Variants in ZNF609 observed in about 807,000 individuals in gnomAD.
ZNF609 encodes the protein zinc finger protein 609.
A neutral mutation model predicts 109.5 loss-of-function variants in ZNF609; 11 were observed. That is an observed-to-expected ratio of 0.10 (90% CI 0.06 to 0.17). ZNF609 has a LOEUF of 0.17. Among genes scored for constraint, ZNF609 ranks in the 10% least tolerant of loss-of-function variants. The probability of loss-of-function intolerance (pLI) is 1.00; values close to 1 mark genes in which losing one functional copy is unlikely to be tolerated. For synonymous variants in ZNF609, 646 were observed against 662.0 expected (o/e 0.98, Z 0.37); for missense variants, 1,559 against 1,772.4 (o/e 0.88, Z 2.16).
intron 2 of ZNF609, among the ~76,000 whole-genome samples, chr15:64,557,190 CT>C (rs11307309): frequency 0.69 from 98,326 of 141,586 alleles, 37,796 homozygotes; most frequent in East Asian, 0.93. Flanking sequence ...TCTTATTCTT[CT>C]TTTTTTTTTT....
chr15:64,468,007 T>C (rs1383978345), intron 1 of ZNF609, among the ~76,000 whole-genome samples: 3 of 151,664 alleles, frequency 2.0e-5, no homozygotes, highest in Non-Finnish European at 4.4e-5. Flanking sequence ...TTTACTAGTA[T>C]GCTTTTTTTT....
At chr15:64,645,001 C>CTT (rs1164903967) in intron 3 of ZNF609, among the ~76,000 whole-genome samples, 1 of 148,110 alleles carries the variant, frequency 6.8e-6, no homozygotes, top group African/African-American at 2.5e-5. Context: ...TTCTTTCTTT[C>CTT]TTTCTTTCTT....
In ZNF609 at chr15:64,674,597, C is replaced by A; in HGVS notation, c.1743C>A (p.Ser581Arg). 1 of 1,614,062 alleles carries A rather than the reference C, an allele frequency of 6.2e-7. No individual in the cohort carries two copies. The highest frequency in any genetic ancestry group is 8.5e-7 in the Non-Finnish European group (1 of 1,180,026). ...LVEPHSPSPS[S>R]KFSTKGLCKK... Reference sequence around the variant, plus strand: ...AGCCCCATAGCCCTTCTCCTTCAAGCAAATTCAGCACAAAAGGCCTCTGTA... The same window carrying A: ...AGCCCCATAGCCCTTCTCCTTCAAGAAAATTCAGCACAAAAGGCCTCTGTA... Residue 581 changes from serine to arginine, a missense_variant, in exon 5 of 10, where the codon AGC becomes AGA. Physicochemically the swap from Ser to Arg is moderately radical, Grantham distance 110 (BLOSUM62 -1). This residue lies in a region of ZNF609 where 1,204 missense variants were observed against 1,314.1 expected (regional missense o/e 0.92). Coordinates refer to ENST00000326648, the MANE Select transcript of ZNF609 (RefSeq NM_015042.2).
intron 3 of ZNF609, among the ~76,000 whole-genome samples, chr15:64,667,609 G>C (rs1896668738): frequency 6.6e-6 from 1 of 152,126 alleles, no homozygotes; most frequent in Non-Finnish European, 1.5e-5. Flanking sequence ...CTACTCAGGA[G>C]GCTGAGGCAG....
At chr15:64,499,231 A>T in intron 1 of ZNF609, 62 bp from the exon 2 acceptor site, 1 of 666,212 alleles carries the variant, frequency 1.5e-6, no homozygotes, top group Non-Finnish European at 2.4e-6. Flanking sequence ...GTGGGAGTTT[A>T]TTTCAGGCGT....
chr15:64,594,997 G>A (rs1387371393), intron 2 of ZNF609, among the ~76,000 whole-genome samples: 1 of 130,954 alleles, frequency 7.6e-6, no homozygotes, highest in African/African-American at 3.0e-5. Context: ...GCGAGGCTCC[G>A]TCTCAAAAAA....
chr15:64,472,853 TAAAAA>T (rs1235849047), intron 1 of ZNF609, among the ~76,000 whole-genome samples: 1 of 151,606 alleles, frequency 6.6e-6, no homozygotes, highest in African/African-American at 2.4e-5. Context: ...TCAAAAATAA[TAAAAA>T]AAATAAAGAC....
At chr15:64,617,061 G>A (rs1441441112) in intron 2 of ZNF609, among the ~76,000 whole-genome samples, 1 of 151,964 alleles carries the variant, frequency 6.6e-6, no homozygotes, top group Non-Finnish European at 1.5e-5. Context: ...ACCTGCCTCA[G>A]CCTCCCAAAG....
chr15:64,513,266 T>G (rs746860035), intron 2 of ZNF609, among the ~76,000 whole-genome samples: 6 of 152,212 alleles, frequency 3.9e-5, no homozygotes, highest in Non-Finnish European at 8.8e-5. Flanking sequence ...CATATTAGAC[T>G]AGATCTTAAT....
chr15:64,572,830 G>A (rs1894878481), intron 2 of ZNF609, among the ~76,000 whole-genome samples: 1 of 152,186 alleles, frequency 6.6e-6, no homozygotes, highest in Non-Finnish European at 1.5e-5. Flanking sequence ...GAAACCGGGA[G>A]GCGGAAGTTG....
At chr15:64,538,971 G>T (rs1382877820) in intron 2 of ZNF609, among the ~76,000 whole-genome samples, 1 of 151,978 alleles carries the variant, frequency 6.6e-6, no homozygotes, top group Non-Finnish European at 1.5e-5. Flanking sequence ...AGTAGCTGGG[G>T]CTACATGCAT....
At chr15:64,626,041 A>G (rs1268473014) in intron 3 of ZNF609, among the ~76,000 whole-genome samples, 1 of 151,040 alleles carries the variant, frequency 6.6e-6, no homozygotes, top group Non-Finnish European at 1.5e-5. Context: ...CTTCTCTGCA[A>G]CTCAGAATAA....
Position 64,499,386 on chromosome 15 carries a change from G to C in ZNF609, c.-34G>C. On this transcript the variant is annotated 5_prime_UTR_variant, in exon 2 of 10. Coordinates refer to ENST00000326648, the MANE Select transcript of ZNF609 (RefSeq NM_015042.2). The stretch of plus-strand genomic sequence containing the variant: ...ATAGGAAAGCTGGGGGCAAGGAAGA[G>C]CCTTGAATCTTGAGGTGGGACGTTG... 2 of 1,598,838 alleles carry C rather than the reference G, an allele frequency of 1.3e-6. No homozygotes were observed. Among genetic ancestry groups the C allele is most frequent in the Non-Finnish European group, 1.7e-6 (2 of 1,171,898 alleles).
intron 2 of ZNF609, among the ~76,000 whole-genome samples, chr15:64,555,493 G>A (rs970692930): frequency 3.3e-5 from 5 of 151,830 alleles, no homozygotes; most frequent in South Asian, 4.1e-4. Context: ...GTGAAACCTC[G>A]TCTCTACTAA....
intron 1 of ZNF609, among the ~76,000 whole-genome samples, chr15:64,481,921 A>G (rs1893259706): frequency 6.6e-6 from 1 of 151,954 alleles, no homozygotes; most frequent in Admixed American, 6.6e-5. Flanking sequence ...AGTAGCTGGG[A>G]TTATAGTCAC....
At chr15:64,574,604 C>A (rs1019211706) in intron 2 of ZNF609, among the ~76,000 whole-genome samples, 5 of 152,118 alleles carry the variant, frequency 3.3e-5, no homozygotes, top group Admixed American at 6.6e-5. Context: ...TGGGAAGTGG[C>A]CTGGGAGTTC....
intron 2 of ZNF609, among the ~76,000 whole-genome samples, chr15:64,583,400 C>T (rs8042380): frequency 0.96 from 145,518 of 152,104 alleles, 69,843 homozygotes; most frequent in East Asian, 1. Context: ...AAGTGAGATA[C>T]GATAGTCCTG....
intron 2 of ZNF609, among the ~76,000 whole-genome samples, chr15:64,562,622 T>G (rs1894697751): frequency 1.3e-5 from 2 of 152,170 alleles, no homozygotes; most frequent in African/African-American, 4.8e-5. Flanking sequence ...TATATTACAC[T>G]TCTCAAGTTT....
At chr15:64,641,503 C>T (rs925243386) in intron 3 of ZNF609, among the ~76,000 whole-genome samples, 9 of 151,026 alleles carry the variant, frequency 6.0e-5, no homozygotes, top group Non-Finnish European at 8.9e-5. Context: ...AGTGAGCCAC[C>T]GCGCCTGGCC....
Sources: gnomAD v4.1 joint callset for allele counts (sites outside exome capture counted in the v4.1 genomes callset) on GRCh38, gnomAD v4.1.1 for gene constraint, gnomAD v4.1.1 regional missense constraint, MANE v1.5 for transcripts, NCBI Gene and HGNC (gene_info 2026-07-23, HGNC 2026-07-21) for gene names.